Variants in PIGT observed in about 807,000 individuals in gnomAD.
PIGT encodes the protein GPI-anchor transamidase component PIGT.
A neutral mutation model predicts 66.7 loss-of-function variants in PIGT; 57 were observed. The observed-to-expected ratio is 0.86, with a 90% confidence interval of 0.69 to 1.07. The LOEUF is 1.07. PIGT is among the 50% of genes least tolerant of loss of function. The pLI is 0.00. For synonymous variants in PIGT, 362 were observed against 320.5 expected (o/e 1.13, Z -1.38); for missense variants, 725 against 740.4 (o/e 0.98, Z 0.24).
In PIGT at chr20:45,420,331, G is replaced by T. The variant is rs767662825; in HGVS notation, c.770-1G>T. The T allele has an allele frequency of 6.2e-7, 1 of 1,612,122 alleles. No individual in the cohort carries two copies. Among genetic ancestry groups the T allele is most frequent in the South Asian group, 1.1e-5 (1 of 90,620 alleles). On this transcript the variant is annotated splice_acceptor_variant, in intron 6 of 11. Transcript: ENST00000279036. LOFTEE classifies it high-confidence loss of function. The stretch of plus-strand genomic sequence containing the variant: ...GCTCAGCCCTGCGCTCTGTTTCTCA[G>T]ACTGGTCCCTCTTCCGGATGTTCTC...
At chr20:45,420,885 CA>C (rs1295463962) in intron 8 of PIGT, 192 bp downstream of exon 8, 10 of 614,840 alleles carry the variant, frequency 1.6e-5, no homozygotes, top group African/African-American at 3.7e-5. Context: ...TCAGCATCCA[CA>C]TCTGAAAAAT....
At chr20:45,421,344 C>T (rs758301283) in intron 8 of PIGT, 39 bp from the exon 9 acceptor site, 4 of 1,568,876 alleles carry the variant, frequency 2.5e-6, no homozygotes, top group Non-Finnish European at 3.5e-6. Context: ...GTGATTCTTA[C>T]CTTTGGCAGC....
Position 45,425,151 on chromosome 20 carries a change from CTTTCTT to C in PIGT, c.1485-421_1485-416del, listed in dbSNP as rs1335456186. On this transcript the variant is annotated intron_variant, in intron 11 of 11. Transcript: ENST00000279036. ...TCTCTTTCTTTCTTTCTCTTTCTTT[CTTTCTT>C]TCTTTCTTTCTTTCTTTCTTTCTTT... 5.5e-4 allele frequency: 44 copies of C among 80,650 alleles called. 1 individual carries two copies. The highest frequency in any genetic ancestry group is 2.2e-3 in the African/African-American group (44 of 20,304). 5.0% of individuals were successfully genotyped at this position (80,650 alleles called of 1,614,324 possible).
rs142749515 is a variant in PIGT at position 45,420,202 on chromosome 20, A to G, written c.748A>G (p.Ile250Val). Residue 250 changes from isoleucine to valine, a missense_variant, in exon 6 of 12, where the codon ATC becomes GTC. This residue lies in a region of PIGT where 559 missense variants were observed against 552.7 expected (regional missense o/e 1.01). Coordinates refer to ENST00000279036, the MANE Select transcript of PIGT (RefSeq NM_015937.6). ...QTLSVVFDAF[I>V]TGQGKKDWSL... Reference sequence around the variant, plus strand: ...CCTGTCAGTTGTATTTGATGCCTTCATCACGGGGCAGGGAAAGAAAGGTAA... The same window carrying G: ...CCTGTCAGTTGTATTTGATGCCTTCGTCACGGGGCAGGGAAAGAAAGGTAA... The G allele has an allele frequency of 1.9e-6, 3 of 1,611,826 alleles. No individual in the cohort carries two copies. Among genetic ancestry groups the G allele is most frequent in the Non-Finnish European group, 1.7e-6 (2 of 1,178,984 alleles).
chr20:45,419,721 T>A, intron 5 of PIGT, 131 bp downstream of exon 5: 1 of 714,100 alleles, frequency 1.4e-6, no homozygotes, highest in South Asian at 1.6e-5. Flanking sequence ...ATTCAGGGCA[T>A]TGGCCAAGCA....
intron 5 of PIGT, 191 bp from the exon 6 acceptor site, chr20:45,419,945 T>C (rs764828404): frequency 3.3e-6 from 2 of 607,834 alleles, no homozygotes; most frequent in Non-Finnish European, 5.9e-6. Flanking sequence ...TTGTGATAGT[T>C]TATCAAACTG....
At chr20:45,425,410 C>CCT in intron 11 of PIGT, 164 bp from the exon 12 acceptor site, 1 of 701,324 alleles carries the variant, frequency 1.4e-6, no homozygotes, top group Non-Finnish European at 2.3e-6. Flanking sequence ...CGCCGCTCCC[C>CCT]TTTATCAGGT....
rs1471501050 is a variant in PIGT at position 45,416,187 on chromosome 20, G to T, written c.31G>T (p.Val11Phe). 12 of 1,585,516 alleles carry T rather than the reference G, an allele frequency of 7.6e-6. No individual in the cohort carries two copies. Among genetic ancestry groups the T allele is most frequent in the Non-Finnish European group, 1.0e-5 (12 of 1,167,384 alleles). Reference protein sequence around the residue: MAAAMPLALLVLLLLGPGGWC... With the variant: MAAAMPLALLFLLLLGPGGWC... Reference sequence around the variant, plus strand: ...GGCGGCTATGCCGCTTGCTCTGCTCGTCCTGTTGCTCCTGGGGCCCGGCGG... The same window carrying T: ...GGCGGCTATGCCGCTTGCTCTGCTCTTCCTGTTGCTCCTGGGGCCCGGCGG... The change falls in exon 1 of 12, where the codon GTC becomes TTC. Residue 11 changes from valine (V) to phenylalanine (F), a missense_variant. By Grantham distance (50) the Val-to-Phe change is conservative (BLOSUM62 -1). Coordinates refer to ENST00000279036, the MANE Select transcript of PIGT (RefSeq NM_015937.6).
At chr20:45,417,610 G>C (rs1466032844) in intron 2 of PIGT, 1 of 152,238 alleles carries the variant, frequency 6.6e-6, no homozygotes, top group East Asian at 1.9e-4. Flanking sequence ...TTACAGGCAA[G>C]AGCCACCACA....
intron 2 of PIGT, chr20:45,417,085 G>T (rs1368469547): frequency 1.2e-5 from 2 of 160,796 alleles, no homozygotes; most frequent in African/African-American, 4.8e-5. Flanking sequence ...ACATCACAGT[G>T]TTAGAGGAAC....
At position 45,420,117 on chromosome 20, in the gene PIGT, C is replaced by T; in HGVS notation, c.682-19C>T. The T allele has an allele frequency of 6.3e-7, 1 of 1,586,640 alleles. No individual in the cohort carries two copies. The highest frequency in any genetic ancestry group is 8.6e-7 in the Non-Finnish European group (1 of 1,158,478). ...GAGAGTGATACCCCCTCACTGCTGC[C>T]ATCTGGCCCTTGTGATAGAATGCAC... is the stretch of plus-strand genomic sequence containing the variant. On this transcript the variant is annotated intron_variant, in intron 5 of 11. Coordinates refer to ENST00000279036, the MANE Select transcript of PIGT (RefSeq NM_015937.6).
intron 10 of PIGT, 45 bp downstream of exon 10, chr20:45,424,426 C>G (rs1160720403): frequency 6.2e-7 from 1 of 1,613,532 alleles, no homozygotes; most frequent in Non-Finnish European, 8.5e-7. Flanking sequence ...CCTGACCTAC[C>G]CTTTCTGCTG....
rs1045800805 is a variant in PIGT, at chr20:45,418,434, A to G, written c.366-418A>G. 4.4e-5 allele frequency: 11 copies of G among 247,334 alleles called. No individual in the cohort carries two copies. The East Asian group carries it at 1.2e-3, about 27-fold the overall frequency. The allele number at this position is 247,334 out of a possible 1,614,324, so 15.3% of individuals were successfully genotyped here. ...GACACGATGCTGCTGCCACCTAGCC[A>G]TCTCCCAGGAGGGACCTAGTAAGAT... On this transcript the variant is annotated intron_variant, in intron 2 of 11. Coordinates refer to ENST00000279036, the MANE Select transcript of PIGT (RefSeq NM_015937.6).
intron 2 of PIGT, chr20:45,418,542 A>G (rs1006473362): frequency 5.4e-6 from 2 of 368,342 alleles, no homozygotes; most frequent in East Asian, 7.0e-5. Context: ...GGAGGTAAGC[A>G]CTGGAGCCGG....
chr20:45,423,095 C>T (rs1406647883), intron 9 of PIGT: 2 of 131,980 alleles, frequency 1.5e-5, no homozygotes, highest in Admixed American at 7.9e-5. Context: ...GACGGATCCT[C>T]ACTCTGTCAC....
chr20:45,424,188 A>G (rs765365816), intron 9 of PIGT, 28 bp from the exon 10 acceptor site: 2 of 1,611,622 alleles, frequency 1.2e-6, no homozygotes, highest in East Asian at 4.5e-5. Flanking sequence ...CCCAGGAAAG[A>G]GATGTGGGTG....
At chr20:45,421,061 C>T (rs1235144643) in intron 8 of PIGT, 24 of 511,460 alleles carry the variant, frequency 4.7e-5, no homozygotes, top group Non-Finnish European at 8.4e-5. Flanking sequence ...CTAGCTAGGG[C>T]AGGTGTCAGT....
At chr20:45,424,050 C>T in intron 9 of PIGT, 166 bp from the exon 10 acceptor site, 1 of 631,212 alleles carries the variant, frequency 1.6e-6, no homozygotes, top group Non-Finnish European at 2.8e-6. Context: ...GAAACATCCT[C>T]TCCCTTTTCT....
At position 45,418,921 on chromosome 20, in the gene PIGT, C is replaced by T. The variant is rs367911460; in HGVS notation, c.435C>T (p.Ile145=). The change falls in exon 3 of 12, where the codon ATC becomes ATT. Residue 145 remains isoleucine (I), a synonymous_variant. Transcript: ENST00000279036. The part of the protein sequence containing the change: ...SGIFCASLNF[I]DSTNTVTPTA... ...TCTTCTGCGCCTCTCTCAACTTCATCGACTCCACCAACACAGTCACTCCCA... is the reference window on the plus strand; with the variant it reads ...TCTTCTGCGCCTCTCTCAACTTCATTGACTCCACCAACACAGTCACTCCCA... 54 of 1,613,996 alleles carry T rather than the reference C, an allele frequency of 3.3e-5. No individual in the cohort carries two copies. Among genetic ancestry groups the T allele is most frequent in the Admixed American group, 6.7e-5 (4 of 60,008 alleles).
Sources: allele counts gnomAD v4.1 joint callset, GRCh38; gene constraint gnomAD v4.1.1; regional missense constraint gnomAD v4.1.1; transcripts MANE v1.5; gene names NCBI Gene and HGNC (gene_info 2026-07-23, HGNC 2026-07-21).